The following DDB2 variants were observed in gnomAD, a reference collection of about 807,000 sequenced individuals.
DDB2 encodes the protein damage specific DNA binding protein 2.
Under a neutral mutation model 50.5 loss-of-function variants are expected in DDB2, and 27 were observed. The observed-to-expected ratio is 0.53, with a 90% confidence interval of 0.39 to 0.74. The LOEUF is 0.74. Ranked by LOEUF, DDB2 falls within the 30% of genes least tolerant of loss-of-function variation. DDB2 has a pLI of 0.00. For synonymous variants in DDB2, 176 were observed against 205.5 expected (o/e 0.86, Z 1.23); for missense variants, 424 against 545.6 (o/e 0.78, Z 2.22).
Position 47,226,332 on chromosome 11 carries a change from G to A in DDB2, c.457-6482G>A, listed in dbSNP as rs1953557370. Among the ~76,000 whole-genome samples the A allele has an allele frequency of 2.7e-5, 4 of 149,736 alleles. No homozygotes were observed. The South Asian group carries it at 8.4e-4, about 31-fold the overall frequency. ...CCTCTGTCGCCCAGGCTGGAATGCA[G>A]TGGCACAGCCTCAGCTTACTGCAAC... On this transcript the variant is annotated intron_variant, in intron 3 of 9. Coordinates refer to ENST00000256996, the MANE Select transcript of DDB2 (RefSeq NM_000107.3).
chr11:47,225,251 CT>C (rs1354853728), intron 3 of DDB2, among the ~76,000 whole-genome samples: 14 of 70,060 alleles, frequency 2.0e-4, no homozygotes, highest in Non-Finnish European at 3.1e-4. Flanking sequence ...GATCCTGTGT[CT>C]TTAAAAAAAA....
At chr11:47,236,469 T>G (rs896544940) in intron 7 of DDB2, among the ~76,000 whole-genome samples, 1 of 152,262 alleles carries the variant, frequency 6.6e-6, no homozygotes, top group Admixed American at 6.5e-5. Flanking sequence ...TCAGGTTTTA[T>G]GCCTATACTT....
chr11:47,216,730 G>A, intron 2 of DDB2, 128 bp from the exon 3 acceptor site: 2 of 1,065,748 alleles, frequency 1.9e-6, no homozygotes, highest in Non-Finnish European at 2.8e-6. Context: ...TCATGCACAG[G>A]GCAGGCAGTT....
At chr11:47,216,743 C>A in intron 2 of DDB2, 115 bp from the exon 3 acceptor site, 1 of 1,167,016 alleles carries the variant, frequency 8.6e-7, no homozygotes, top group Non-Finnish European at 1.3e-6. Context: ...AGGCAGTTAG[C>A]TTTCCTTTGG....
intron 7 of DDB2, chr11:47,237,524 G>C: frequency 2.8e-6 from 1 of 363,626 alleles, no homozygotes; most frequent in Non-Finnish European, 5.3e-6. Context: ...TCCGCCTCCC[G>C]GGTTCAAGTG....
chr11:47,230,231 T>C (rs931569894), intron 3 of DDB2, among the ~76,000 whole-genome samples: 2 of 151,474 alleles, frequency 1.3e-5, no homozygotes, highest in Non-Finnish European at 2.9e-5. Context: ...GCCCAGGAGG[T>C]TGGGGCTACG....
At chr11:47,232,526 G>A (rs988249784) in intron 3 of DDB2, among the ~76,000 whole-genome samples, 2 of 151,460 alleles carry the variant, frequency 1.3e-5, no homozygotes, top group South Asian at 2.1e-4. Flanking sequence ...ATGGTGGCAC[G>A]CACTTGGGAG....
chr11:47,216,875 T>C lies in DDB2; in HGVS notation c.282T>C (p.Phe94=), dbSNP rs900209168. Residue 94 remains phenylalanine (F), a synonymous_variant, in exon 3 of 10, where the codon TTT becomes TTC. Coordinates refer to ENST00000256996, the MANE Select transcript of DDB2 (RefSeq NM_000107.3). The stretch of plus-strand genomic sequence containing the variant: ...TGTGGCAGGGGCTCCAGCAGTCCTT[T>C]TTGCACACTCTGGATTCTTACCGGA... ...PSVQQGLQQS[F]LHTLDSYRIL... 2 of 1,614,082 alleles carry C rather than the reference T, an allele frequency of 1.2e-6. No homozygotes were observed. The highest frequency in any genetic ancestry group is 2.2e-5 in the East Asian group (1 of 44,876).
intron 7 of DDB2, chr11:47,237,525 G>C: frequency 2.7e-6 from 1 of 373,164 alleles, no homozygotes; most frequent in South Asian, 2.2e-5. Flanking sequence ...CCGCCTCCCG[G>C]GTTCAAGTGA....
intron 3 of DDB2, among the ~76,000 whole-genome samples, chr11:47,228,677 A>G (rs1953595467): frequency 6.8e-6 from 1 of 147,510 alleles, no homozygotes; most frequent in African/African-American, 2.5e-5. Flanking sequence ...AAAGATCAAT[A>G]TCTCTTCCTC....
intron 3 of DDB2, among the ~76,000 whole-genome samples, chr11:47,226,568 C>T (rs1442876113): frequency 1.3e-5 from 2 of 151,970 alleles, no homozygotes; most frequent in African/African-American, 2.4e-5. Context: ...CCACCATGCT[C>T]GGCCTTTTCT....
In DDB2 at chr11:47,216,847, C is replaced by G; in HGVS notation, c.265-11C>G. On this transcript the variant is annotated splice_polypyrimidine_tract_variant and intron_variant, in intron 2 of 9. Coordinates refer to ENST00000256996, the MANE Select transcript of DDB2 (RefSeq NM_000107.3). ...TTTTAATTCAACCTAATTCATTTCT[C>G]TCTGTGGCAGGGGCTCCAGCAGTCC... 1 of 1,613,890 alleles carries G rather than the reference C, an allele frequency of 6.2e-7. No homozygotes were observed. Among genetic ancestry groups the G allele is most frequent in the Non-Finnish European group, 8.5e-7 (1 of 1,179,858 alleles).
chr11:47,216,708 T>C, intron 2 of DDB2, 150 bp from the exon 3 acceptor site: 1 of 974,766 alleles, frequency 1.0e-6, no homozygotes. Flanking sequence ...TTCGTGTACA[T>C]TGCAAATATT....
intron 1 of DDB2, chr11:47,215,994 GACCCAGTCCC>G (rs1953395240): frequency 2.4e-6 from 1 of 409,804 alleles, no homozygotes; most frequent in Admixed American, 3.7e-5. Flanking sequence ...ATAAAATTGT[GACCCAGTCCC>G]ATCTCGAGTT....
rs4647712 is a variant in DDB2 at position 47,217,267 on chromosome 11, T to G, written c.456+218T>G. On this transcript the variant is annotated intron_variant, in intron 3 of 9. Coordinates refer to ENST00000256996, the MANE Select transcript of DDB2 (RefSeq NM_000107.3). ...GGCAGGCGCCTATAATCCCAGCTAC[T>G]CAGGAGGCTGAGGCAGGAGAATTGC... The G allele has an allele frequency of 5.0e-3, 2,200 of 441,260 alleles. 135 individuals are homozygous for G. In the East Asian group the frequency reaches 0.082, roughly 16 times the overall value. 27.3% of individuals were successfully genotyped at this position (441,260 alleles called of 1,614,324 possible).
chr11:47,219,418 T>G (rs1451576652), intron 3 of DDB2, among the ~76,000 whole-genome samples: 1 of 152,120 alleles, frequency 6.6e-6, no homozygotes, highest in African/African-American at 2.4e-5. Context: ...TGGAGTGCAG[T>G]GACACAACCA....
chr11:47,234,535 T>C, intron 4 of DDB2, 38 bp from the exon 5 acceptor site: 2 of 1,565,060 alleles, frequency 1.3e-6, no homozygotes, highest in South Asian at 2.2e-5. Flanking sequence ...GGACTATCTC[T>C]GTCCCCAAGA....
chr11:47,231,119 C>CAAAAAAAAAA (rs139290057), intron 3 of DDB2, among the ~76,000 whole-genome samples: 13 of 58,364 alleles, frequency 2.2e-4, no homozygotes, highest in South Asian at 7.6e-4. Context: ...GCCTTCATCT[C>CAAAAAAAAAA]AAAAAAAAAA....
upstream of DDB2, chr11:47,214,868 C>T (rs570884853): frequency 2.5e-3 from 1,308 of 521,940 alleles, 13 homozygotes; most frequent in African/African-American, 0.023. Flanking sequence ...GTTCCCGCCC[C>T]TCCCGGGAGC....
Sources: gnomAD v4.1 joint callset for allele counts (sites outside exome capture counted in the v4.1 genomes callset) on GRCh38, gnomAD v4.1.1 for gene constraint, MANE v1.5 for transcripts, NCBI Gene and HGNC (gene_info 2026-07-23, HGNC 2026-07-21) for gene names.